The following OPA1 variants were observed in gnomAD, a reference collection of about 807,000 sequenced individuals.
OPA1 encodes the protein dynamin-like GTPase OPA1, mitochondrial.
In OPA1, 59 loss-of-function variants were observed where a neutral mutation model predicts 152.9. The observed-to-expected ratio is 0.39, with a 90% CI of 0.31 to 0.48. The LOEUF is 0.48. OPA1 is among the 20% of genes least tolerant of loss of function. OPA1 has a pLI of 0.96. For synonymous variants in OPA1, 400 were observed against 389.9 expected, an observed-to-expected ratio of 1.03 and a Z score of -0.31; for missense variants, 1,008 against 1,216.8, an observed-to-expected ratio of 0.83 and a Z score of 2.55.
At chr3:193,655,601 A>G (rs1031068851) in intron 22 of OPA1, among the ~76,000 whole-genome samples, 5 of 152,032 alleles carry the variant, frequency 3.3e-5, no homozygotes, top group East Asian at 1.9e-4. Flanking sequence ...TAACTTTCCT[A>G]TGTGTTTTTT....
At chr3:193,604,753 G>A (rs182605102) in intron 1 of OPA1, among the ~76,000 whole-genome samples, 33 of 151,522 alleles carry the variant, frequency 2.2e-4, no homozygotes, top group Admixed American at 8.5e-4. Flanking sequence ...CCAGCTACTC[G>A]GGAGGCTGAG....
chr3:193,662,316 C>T (rs1399107454), intron 25 of OPA1, among the ~76,000 whole-genome samples: 3 of 152,074 alleles, frequency 2.0e-5, no homozygotes, highest in African/African-American at 7.2e-5. Flanking sequence ...TATGAAAAAG[C>T]TTTTTAAAAA....
chr3:193,655,089 A>G, intron 22 of OPA1, 62 bp downstream of exon 22: 8 of 1,475,548 alleles, frequency 5.4e-6, no homozygotes, highest in Non-Finnish European at 6.6e-6. Flanking sequence ...GGAGCTGTGA[A>G]TTTTAGATTT....
intron 21 of OPA1, among the ~76,000 whole-genome samples, chr3:193,651,944 G>A (rs970338784): frequency 4.4e-4 from 67 of 152,098 alleles, no homozygotes; most frequent in African/African-American, 1.6e-3. Flanking sequence ...TTTAATTAAA[G>A]TGGAATGTAG....
chr3:193,615,132 G>T, intron 2 of OPA1, 91 bp downstream of exon 2: 2 of 1,010,008 alleles, frequency 2.0e-6, no homozygotes, highest in Non-Finnish European at 3.1e-6. Context: ...GAATACAATT[G>T]GATGTTTAAA....
intron 7 of OPA1, among the ~76,000 whole-genome samples, chr3:193,628,239 A>G (rs1403709146): frequency 6.6e-6 from 1 of 151,800 alleles, no homozygotes; most frequent in African/African-American, 2.4e-5. Context: ...GTAGATCATC[A>G]TTTTTGATGT....
chr3:193,682,933 C>G (rs1284370534), intron 29 of OPA1, among the ~76,000 whole-genome samples: 1 of 151,848 alleles, frequency 6.6e-6, no homozygotes, highest in Admixed American at 6.5e-5. Context: ...TTTAAAAATA[C>G]GTGTCTTAAG....
At chr3:193,651,908 TAA>T (rs35437625) in intron 21 of OPA1, among the ~76,000 whole-genome samples, 12 of 151,568 alleles carry the variant, frequency 7.9e-5, no homozygotes, top group Non-Finnish European at 1.2e-4. Flanking sequence ...TACTTTAAAA[TAA>T]AAAAAAATCC....
chr3:193,613,154 T>C (rs1035678023), intron 1 of OPA1, among the ~76,000 whole-genome samples: 1 of 152,240 alleles, frequency 6.6e-6, no homozygotes, highest in African/African-American at 2.4e-5. Context: ...CAGAATTGAA[T>C]GCAGTTTGAA....
At chr3:193,688,444 C>CTT (rs1560079327) in intron 29 of OPA1, among the ~76,000 whole-genome samples, 1 of 38,520 alleles carries the variant, frequency 2.6e-5, no homozygotes, top group Non-Finnish European at 5.9e-5. Context: ...TGAAATGGGT[C>CTT]TTTTCTTTTT....
intron 1 of OPA1, among the ~76,000 whole-genome samples, chr3:193,600,600 G>T (rs1726312620): frequency 6.6e-6 from 1 of 152,210 alleles, no homozygotes; most frequent in Admixed American, 6.5e-5. Context: ...CAGTTCAGCA[G>T]TATTGGGGTC....
At position 193,687,360 on chromosome 3, in the gene OPA1, T is replaced by C. The variant is rs1721063879; in HGVS notation, c.2984-4703T>C. ...AACATTGGATAAATGGAAAGTAGAC[T>C]CAGTATTCACTACACGTAGAAATAG... On this transcript the variant is annotated intron_variant, in intron 29 of 30. Coordinates refer to ENST00000361510, the MANE Select transcript of OPA1 (RefSeq NM_130837.3). Among the ~76,000 whole-genome samples, 3 of 152,194 alleles carry C rather than the reference T, an allele frequency of 2.0e-5. No individual in the cohort carries two copies. In the South Asian group the frequency reaches 6.2e-4, roughly 31 times the overall value.
At chr3:193,619,953 AAAAATGTATGTC>A (rs1271401256) in intron 6 of OPA1, among the ~76,000 whole-genome samples, 2 of 152,066 alleles carry the variant, frequency 1.3e-5, no homozygotes, top group South Asian at 4.2e-4. Flanking sequence ...TCTTTTGGAG[AAAAATGTATGTC>A]AAAATGTATG....
At chr3:193,595,462 T>C (rs1725338321) in intron 1 of OPA1, among the ~76,000 whole-genome samples, 1 of 152,238 alleles carries the variant, frequency 6.6e-6, no homozygotes, top group Non-Finnish European at 1.5e-5. Flanking sequence ...ATTTTTAGTT[T>C]TGACTGAATA....
chr3:193,626,325 A>G (rs1731133591), intron 7 of OPA1, 123 bp downstream of exon 7: 1 of 733,006 alleles, frequency 1.4e-6, no homozygotes, highest in East Asian at 2.7e-5. Flanking sequence ...CAAAGTGAAA[A>G]TATAAAAGAT....
In OPA1 at chr3:193,680,157, C is replaced by CT. The variant is rs373903586; in HGVS notation, c.2984-11899dup. Among the ~76,000 whole-genome samples, 9 of 152,122 alleles carry CT rather than the reference C, an allele frequency of 5.9e-5. 1 individual carries two copies. Among genetic ancestry groups the CT allele is most frequent in the African/African-American group, 1.4e-4 (6 of 41,516 alleles). On this transcript the variant is annotated intron_variant, in intron 29 of 30. Transcript: ENST00000361510. ...TATTAAAACCTACGATTTTTAATTT[C>CT]TTTTTTTATGAATTTTTAGTTTGGT...
At chr3:193,608,988 G>C (rs1174930323) in intron 1 of OPA1, among the ~76,000 whole-genome samples, 1 of 151,990 alleles carries the variant, frequency 6.6e-6, no homozygotes, top group Non-Finnish European at 1.5e-5. Context: ...GATCTTTGTT[G>C]GTTTAAAGTC....
intron 21 of OPA1, among the ~76,000 whole-genome samples, chr3:193,651,735 T>A (rs11713958): frequency 0.42 from 64,471 of 151,920 alleles, 13,949 homozygotes; most frequent in Non-Finnish European, 0.43. Flanking sequence ...ACAGTATGTA[T>A]AATTATGAAC....
At chr3:193,594,438 A>G (rs1473294376) in intron 1 of OPA1, among the ~76,000 whole-genome samples, 4 of 152,194 alleles carry the variant, frequency 2.6e-5, no homozygotes, top group African/African-American at 9.6e-5. Flanking sequence ...TCCAGGCTGG[A>G]GTGCAGTAGC....
Sources: allele counts gnomAD v4.1 joint callset (sites outside exome capture counted in the v4.1 genomes callset), GRCh38; gene constraint gnomAD v4.1.1; transcripts MANE v1.5; gene names NCBI Gene and HGNC (gene_info 2026-07-23, HGNC 2026-07-21).